The following CSMD1 variants were observed in gnomAD, a reference collection of about 807,000 sequenced individuals.
The protein encoded by CSMD1 is CUB and sushi domain-containing protein 1.
Under a neutral mutation model 417.5 loss-of-function variants are expected in CSMD1, and 213 were observed. The ratio of observed to expected loss-of-function variants is 0.51; its 90% CI spans 0.46 to 0.57. The LOEUF (loss-of-function observed/expected upper bound fraction) is 0.57, where lower values mean the gene tolerates loss of function less well. CSMD1 is among the 20% of genes least tolerant of loss of function. The probability of loss-of-function intolerance (pLI) is 0.00; values close to 1 mark genes in which losing one functional copy is unlikely to be tolerated. For synonymous variants in CSMD1, 2,862 were observed against 1,736.8 expected, an observed-to-expected ratio of 1.65 and a Z score of -16.11; for missense variants, 6,923 against 4,529.7, an observed-to-expected ratio of 1.53 and a Z score of -15.17.
At chr8:3,404,434 T>C (rs1366263387) in intron 15 of CSMD1, among the ~76,000 whole-genome samples, 1 of 151,944 alleles carries the variant, frequency 6.6e-6, no homozygotes, top group Admixed American at 6.6e-5. Context: ...TGAAGGATCA[T>C]GCCCCCACCA....
chr8:4,807,123 G>A (rs1798634603), intron 1 of CSMD1, among the ~76,000 whole-genome samples: 1 of 152,234 alleles, frequency 6.6e-6, no homozygotes, highest in Middle Eastern at 3.4e-3. Context: ...AAATTAATGG[G>A]AAATACAGAA....
At chr8:3,812,163 C>G (rs1801126460) in intron 5 of CSMD1, among the ~76,000 whole-genome samples, 1 of 152,150 alleles carries the variant, frequency 6.6e-6, no homozygotes, top group African/African-American at 2.4e-5. Flanking sequence ...TTCTGTAAGT[C>G]TAAGCAGTGA....
At chr8:3,586,486 C>A (rs986183) in intron 8 of CSMD1, among the ~76,000 whole-genome samples, 55,393 of 151,848 alleles carry the variant, frequency 0.36, 10,936 homozygotes, top group Middle Eastern at 0.44. Context: ...AGCTTCAGAA[C>A]TAAACAAACA....
chr8:4,114,520 G>A (rs894671050), intron 3 of CSMD1, among the ~76,000 whole-genome samples: 6 of 151,708 alleles, frequency 4.0e-5, no homozygotes, highest in East Asian at 2.0e-4. Context: ...GCAGCCCATG[G>A]ATCAAGGAAT....
chr8:4,525,224 T>G (rs1379067034), intron 2 of CSMD1, among the ~76,000 whole-genome samples: 1 of 152,090 alleles, frequency 6.6e-6, no homozygotes, highest in Non-Finnish European at 1.5e-5. Context: ...GAAGAAGTGG[T>G]CCTTTAGAGA....
chr8:3,273,944 T>C lies in CSMD1; in HGVS notation c.4153+10200A>G, dbSNP rs913628598. 1.5e-3 allele frequency among the ~76,000 whole-genome samples: 234 copies of C among 152,022 alleles called. 1 individual carries two copies. Among genetic ancestry groups the C allele is most frequent in the African/African-American group, 5.0e-3 (207 of 41,474 alleles). On this transcript the variant is annotated intron_variant, in intron 26 of 69. Coordinates refer to ENST00000635120, the MANE Select transcript of CSMD1 (RefSeq NM_033225.6). ...CTATTTCCTTCAGTTCTACTCTGAT[T>C]TTAGTTATTTCTTGCCTTCTGCTAG... is the stretch of plus-strand genomic sequence containing the variant.
At chr8:4,153,976 G>A (rs1164387174) in intron 3 of CSMD1, among the ~76,000 whole-genome samples, 4 of 152,168 alleles carry the variant, frequency 2.6e-5, no homozygotes, top group South Asian at 2.1e-4. Context: ...GCAAATTACT[G>A]AGAAGGCAGA....
intron 18 of CSMD1, among the ~76,000 whole-genome samples, chr8:3,371,960 C>G (rs1329689746): frequency 6.6e-6 from 1 of 152,098 alleles, no homozygotes; most frequent in Non-Finnish European, 1.5e-5. Context: ...AGCTCTGCCC[C>G]CAGCATCAGG....
chr8:3,403,902 T>A (rs530066761), intron 15 of CSMD1, among the ~76,000 whole-genome samples: 25 of 152,314 alleles, frequency 1.6e-4, no homozygotes, highest in Non-Finnish European at 2.5e-4. Context: ...TTACCATATG[T>A]GATGGAAATA....
chr8:3,441,172 G>T (rs1814959261), intron 12 of CSMD1, among the ~76,000 whole-genome samples: 3 of 152,124 alleles, frequency 2.0e-5, no homozygotes, highest in Admixed American at 1.3e-4. Flanking sequence ...AGCTGTAAAA[G>T]GCTGGGAATG....
chr8:3,913,525 G>C (rs1161704234), intron 5 of CSMD1, among the ~76,000 whole-genome samples: 1 of 152,134 alleles, frequency 6.6e-6, no homozygotes, highest in East Asian at 1.9e-4. Context: ...AGAAAGGATG[G>C]AGCGAGCCCT....
chr8:3,663,665 C>G (rs1317135231), intron 7 of CSMD1, among the ~76,000 whole-genome samples: 2 of 152,148 alleles, frequency 1.3e-5, no homozygotes, highest in Non-Finnish European at 2.9e-5. Flanking sequence ...TCATTTGCCT[C>G]TTTTCTACCT....
chr8:3,133,901 G>A (rs1317547340), intron 41 of CSMD1, among the ~76,000 whole-genome samples: 4 of 152,202 alleles, frequency 2.6e-5, no homozygotes, highest in South Asian at 2.1e-4. Context: ...CAGGCCGGGC[G>A]CGGTGGCTCA....
chr8:4,827,184 A>C (rs928777701), intron 1 of CSMD1, among the ~76,000 whole-genome samples: 4 of 152,186 alleles, frequency 2.6e-5, no homozygotes, highest in Non-Finnish European at 5.9e-5. Flanking sequence ...GTTGCCATGC[A>C]ATATAACTGA....
intron 6 of CSMD1, among the ~76,000 whole-genome samples, chr8:3,750,878 C>CTCTGCCCTCTGGCAGAGGGTA (rs1475003926): frequency 1.3e-5 from 2 of 152,176 alleles, no homozygotes; most frequent in Non-Finnish European, 2.9e-5. Context: ...TCCTTGGTAA[C>CTCTGCCCTCTGGCAGAGGGTA]AGTTCTGCCC....
chr8:4,924,875 C>G (rs992536570), intron 1 of CSMD1, among the ~76,000 whole-genome samples: 69 of 152,234 alleles, frequency 4.5e-4, no homozygotes, highest in African/African-American at 1.6e-3. Context: ...GTTTCCCCAA[C>G]CAGCACAAGA....
chr8:4,461,598 T>G (rs1481361471), intron 2 of CSMD1, among the ~76,000 whole-genome samples: 1 of 151,960 alleles, frequency 6.6e-6, no homozygotes, highest in African/African-American at 2.4e-5. Context: ...TTGCCCAGTC[T>G]GAAATGCAGT....
At chr8:3,011,409 T>G (rs1808372801) in intron 52 of CSMD1, among the ~76,000 whole-genome samples, 1 of 152,162 alleles carries the variant, frequency 6.6e-6, no homozygotes, top group African/African-American at 2.4e-5. Context: ...TTATTAAATA[T>G]TTTATGTGGA....
intron 36 of CSMD1, among the ~76,000 whole-genome samples, chr8:3,187,295 A>G (rs1196884348): frequency 6.6e-6 from 1 of 152,168 alleles, no homozygotes; most frequent in African/African-American, 2.4e-5. Context: ...CAAAATTGAG[A>G]TTGAATGACG....
Sources: gnomAD v4.1 joint callset for allele counts (sites outside exome capture counted in the v4.1 genomes callset) on GRCh38, gnomAD v4.1.1 for gene constraint, MANE v1.5 for transcripts, NCBI Gene and HGNC (gene_info 2026-07-23, HGNC 2026-07-21) for gene names.